The following PRMT9 variants were observed in gnomAD, a reference collection of about 807,000 sequenced individuals.
PRMT9 encodes protein arginine N-methyltransferase 9.
PRMT9 carries 59 observed loss-of-function variants against 83.2 expected under a neutral mutation model. That is an observed-to-expected ratio of 0.71 (90% CI 0.57 to 0.88). PRMT9 has a LOEUF of 0.88. Among genes scored for constraint, PRMT9 ranks in the 40% least tolerant of loss-of-function variants. The probability of loss-of-function intolerance (pLI) is 0.00; values close to 1 mark genes in which losing one functional copy is unlikely to be tolerated. For missense variants in PRMT9, 947 were observed against 1,021.9 expected (o/e 0.93, Z 1.00); for synonymous variants, 333 against 353.2 (o/e 0.94, Z 0.64).
rs1004260683 is a variant in PRMT9 at position 147,684,130 on chromosome 4, A to C, written c.-143T>G. The C allele has an allele frequency of 4.1e-6, 4 of 972,460 alleles. No homozygotes were observed. The highest frequency in any genetic ancestry group is 6.2e-6 in the Non-Finnish European group (4 of 641,006). The allele number at this position is 972,460 out of a possible 1,614,324, so 60.2% of individuals were successfully genotyped here. A position where few individuals can be genotyped will look rare whatever the true frequency, so the allele number is the denominator to read the frequency against. On this transcript the variant is annotated 5_prime_UTR_variant, in exon 1 of 12. Transcript: ENST00000322396. ...ACCCTCCGCCGCGGGTGAACTCGCC[A>C]ACCCCAGCCCAGGCGGAAGCTCCGC...
At position 147,669,426 on chromosome 4, in the gene PRMT9, A is replaced by AT. The variant is rs201076565; in HGVS notation, c.847-782dup. Among the ~76,000 whole-genome samples, 1,123 of 152,156 alleles carry AT rather than the reference A, an allele frequency of 7.4e-3. 18 individuals carry two copies. Among genetic ancestry groups the AT allele is most frequent in the African/African-American group, 0.026 (1,071 of 41,506 alleles). ...TTGCTATATATGTATGAATATATATATTTTTTTCTCACAATACAAATGCAA... is the reference window on the plus strand; with the variant it reads ...TTGCTATATATGTATGAATATATATATTTTTTTTCTCACAATACAAATGCAA... On this transcript the variant is annotated intron_variant, in intron 5 of 11. Transcript: ENST00000322396.
intron 2 of PRMT9, among the ~76,000 whole-genome samples, chr4:147,677,640 A>G (rs1736180186): frequency 6.6e-6 from 1 of 151,740 alleles, no homozygotes; most frequent in Admixed American, 6.6e-5. Flanking sequence ...TTTTTTTAGT[A>G]GAAACAGGGT....
chr4:147,645,920 T>A (rs1033509332), intron 9 of PRMT9, among the ~76,000 whole-genome samples: 5 of 152,196 alleles, frequency 3.3e-5, no homozygotes, highest in African/African-American at 4.8e-5. Flanking sequence ...TCCTTCTGAG[T>A]TGTAATAAAT....
chr4:147,660,979 G>A lies in PRMT9; in HGVS notation c.1013C>T (p.Pro338Leu), dbSNP rs143783342. 9.5e-5 allele frequency: 153 copies of A among 1,612,640 alleles called. No homozygotes were observed. In the African/African-American group the frequency reaches 1.1e-3, roughly 12 times the overall value. Reference sequence around the variant, plus strand: ...TTCAGTATCTACAGAAGAATAAGCCGGACTCTGAAATTTCACATTTGTTGG... The same window carrying A: ...TTCAGTATCTACAGAAGAATAAGCCAGACTCTGAAATTTCACATTTGTTGG... ...HLPTNVKFQS[P>L]AYSSVDTEET... Residue 338 changes from proline (P) to leucine (L), a missense_variant, in exon 7 of 12, where the codon CCG becomes CTG. Pro to Leu is a moderately conservative substitution (Grantham distance 98). Transcript: ENST00000322396.
Position 147,680,456 on chromosome 4 carries a change from T to G in PRMT9, c.205A>C (p.Thr69Pro), listed in dbSNP as rs1203022941. Residue 69 changes from threonine (T) to proline (P), a missense_variant, in exon 2 of 12, where the codon ACA (threonine) becomes CCA (proline). By Grantham distance (38) the Thr-to-Pro change is conservative (BLOSUM62 -1). Coordinates refer to ENST00000322396, the MANE Select transcript of PRMT9 (RefSeq NM_138364.4). ...AGCTCTTCAGCCCATCTGAAAAGTGTGTACTGAAAAGTTTCCTTTACAAAT... is the reference window on the plus strand; with the variant it reads ...AGCTCTTCAGCCCATCTGAAAAGTGGGTACTGAAAAGTTTCCTTTACAAAT... ...KHDVKETFQY[T>P]LFRWAEELDA... 1.2e-6 allele frequency: 2 copies of G among 1,613,718 alleles called. No individual in the cohort carries two copies. The highest frequency in any genetic ancestry group is 1.7e-6 in the Non-Finnish European group (2 of 1,179,818).
chr4:147,663,048 G>A (rs550214960), intron 6 of PRMT9, among the ~76,000 whole-genome samples: 14 of 143,970 alleles, frequency 9.7e-5, no homozygotes, highest in Non-Finnish European at 1.7e-4. Context: ...TTGCTCTGTC[G>A]CCCAGGCTGG....
intron 8 of PRMT9, among the ~76,000 whole-genome samples, chr4:147,656,017 A>G (rs545483731): frequency 1.3e-5 from 2 of 152,340 alleles, no homozygotes; most frequent in South Asian, 2.1e-4. Context: ...AAGAATCCCT[A>G]TAACAGTGCT....
intron 11 of PRMT9, 61 bp from the exon 12 acceptor site, chr4:147,638,808 CT>C: frequency 1.4e-6 from 2 of 1,400,356 alleles, no homozygotes; most frequent in Non-Finnish European, 2.0e-6. Flanking sequence ...AGATAAGTCT[CT>C]TTTTAGTTAC....
At chr4:147,658,338 C>T (rs1001301868) in intron 7 of PRMT9, among the ~76,000 whole-genome samples, 2 of 150,644 alleles carry the variant, frequency 1.3e-5, no homozygotes, top group Non-Finnish European at 3.0e-5. Flanking sequence ...TGAGAGAGAG[C>T]ATGTGTTTAA....
In PRMT9 at chr4:147,684,098, CAA is replaced by C. The variant is rs926378723; in HGVS notation, c.-113_-112del. On this transcript the variant is annotated 5_prime_UTR_variant, in exon 1 of 12. Transcript: ENST00000322396. ...GACAACTGCTCAAAAAACAGCACAG[CAA>C]AGTTACCCTCCGCCGCGGGTGAACT... 4.4e-5 allele frequency: 54 copies of C among 1,223,874 alleles called. No individual in the cohort carries two copies. In the African/African-American group the frequency reaches 6.9e-4, roughly 16 times the overall value. 75.8% of individuals were successfully genotyped at this position (1,223,874 alleles called of 1,614,324 possible).
At chr4:147,647,723 A>G (rs1282671810) in intron 9 of PRMT9, among the ~76,000 whole-genome samples, 2 of 151,982 alleles carry the variant, frequency 1.3e-5, no homozygotes, top group African/African-American at 2.4e-5. Flanking sequence ...GGGTTTCACC[A>G]TGTTGGCCAG....
intron 6 of PRMT9, among the ~76,000 whole-genome samples, chr4:147,663,423 T>C (rs1478665867): frequency 1.3e-5 from 2 of 152,086 alleles, no homozygotes; most frequent in Non-Finnish European, 2.9e-5. Context: ...AGTACAAAGG[T>C]GTGATCTTGG....
rs1578890839 is a variant in PRMT9 at position 147,652,693 on chromosome 4, T to C, written c.2045+1159A>G. Among the ~76,000 whole-genome samples the C allele has an allele frequency of 1.4e-5, 2 of 142,960 alleles. 1 individual carries two copies. Among genetic ancestry groups the C allele is most frequent in the African/African-American group, 5.2e-5 (2 of 38,388 alleles). The allele number at this position is 142,960 out of a possible 152,430, so 93.8% of individuals were successfully genotyped here. A position where few individuals can be genotyped will look rare whatever the true frequency, so the allele number is the denominator to read the frequency against. On this transcript the variant is annotated intron_variant, in intron 9 of 11. Transcript: ENST00000322396. ...CCCACCCCATCCCACCAGACCCCATTCTACCCTACCCCGTGTCTAAAAAAA... is the reference window on the plus strand; with the variant it reads ...CCCACCCCATCCCACCAGACCCCATCCTACCCTACCCCGTGTCTAAAAAAA...
intron 1 of PRMT9, 68 bp downstream of exon 1, chr4:147,683,731 T>G: frequency 7.8e-7 from 1 of 1,280,160 alleles, no homozygotes; most frequent in Non-Finnish European, 1.1e-6. Flanking sequence ...TTTTTTTTTT[T>G]TCTGTTTTTT....
intron 8 of PRMT9, among the ~76,000 whole-genome samples, chr4:147,656,789 A>AG (rs1436988970): frequency 6.7e-6 from 1 of 149,374 alleles, no homozygotes; most frequent in Non-Finnish European, 1.5e-5. Context: ...AAAAAAAAAA[A>AG]AAAAAAGAAA....
rs1315450493 is a variant in PRMT9, at chr4:147,684,115, G to T, written c.-128C>A. The T allele has an allele frequency of 2.7e-6, 3 of 1,123,800 alleles. No homozygotes were observed. The highest frequency in any genetic ancestry group is 5.1e-5 in the East Asian group (2 of 39,014). The allele number at this position is 1,123,800 out of a possible 1,614,324, so 69.6% of individuals were successfully genotyped here. ...CAGCACAGCAAAGTTACCCTCCGCC[G>T]CGGGTGAACTCGCCAACCCCAGCCC... On this transcript the variant is annotated 5_prime_UTR_variant, in exon 1 of 12. Transcript: ENST00000322396.
At chr4:147,657,263 C>T (rs1162116094) in intron 8 of PRMT9, among the ~76,000 whole-genome samples, 2 of 152,074 alleles carry the variant, frequency 1.3e-5, no homozygotes, top group Non-Finnish European at 2.9e-5. Context: ...CAGTGGCTCA[C>T]GCCCGTAATC....
chr4:147,675,666 A>T (rs564662008), intron 2 of PRMT9, among the ~76,000 whole-genome samples: 2 of 152,342 alleles, frequency 1.3e-5, no homozygotes, highest in East Asian at 3.9e-4. Flanking sequence ...AATCTAAAAA[A>T]TATATAATCT....
chr4:147,670,811 T>C (rs1735678477), intron 4 of PRMT9, 68 bp from the exon 5 acceptor site: 1 of 1,017,106 alleles, frequency 9.8e-7, no homozygotes, highest in Non-Finnish European at 1.5e-6. Flanking sequence ...ATGTCAAAGC[T>C]GAGAGGAGAA....
Sources: allele counts gnomAD v4.1 joint callset (sites outside exome capture counted in the v4.1 genomes callset), GRCh38; gene constraint gnomAD v4.1.1; transcripts MANE v1.5; gene names NCBI Gene and HGNC (gene_info 2026-07-23, HGNC 2026-07-21).